MEIS2: variants seen among roughly 807,000 people sequenced by gnomAD.
MEIS2 encodes the protein Meis homeobox 2, also known as homeobox protein Meis2.
MEIS2 carries 9 observed loss-of-function variants against 58.6 expected under a neutral mutation model. The ratio of observed to expected loss-of-function variants is 0.15; its 90% CI spans 0.09 to 0.27. The LOEUF (loss-of-function observed/expected upper bound fraction) is 0.27. MEIS2 is among the 10% of genes least tolerant of loss of function. The pLI is 1.00. For synonymous variants in MEIS2, 221 were observed against 228.4 expected, an observed-to-expected ratio of 0.97 and a Z score of 0.29; for missense variants, 427 against 635.0, an observed-to-expected ratio of 0.67 and a Z score of 3.52.
At chr15:37,057,986 C>G (rs1888668985) in intron 7 of MEIS2, among the ~76,000 whole-genome samples, 1 of 152,114 alleles carries the variant, frequency 6.6e-6, no homozygotes, top group Non-Finnish European at 1.5e-5. Context: ...TGCTTCTTTT[C>G]AAAGGGTCAC....
rs2055805869 is a variant in MEIS2 at position 36,890,596 on chromosome 15, C to T, written c.*1577G>A. On this transcript the variant is annotated 3_prime_UTR_variant, in exon 12 of 12. Transcript: ENST00000561208. ...TGTAAATTTTCATTTACATATCCAA[C>T]AATATTGTAGTAAGACAGGCAGAGG... 1 of 152,180 alleles carries T rather than the reference C, an allele frequency of 6.6e-6. No homozygotes were observed. The highest frequency in any genetic ancestry group is 1.5e-5 in the Non-Finnish European group (1 of 67,990). The allele number at this position is 152,180 out of a possible 1,614,324, so 9.4% of individuals were successfully genotyped here. A position where few individuals can be genotyped will look rare whatever the true frequency, so the allele number is the denominator to read the frequency against.
intron 9 of MEIS2, among the ~76,000 whole-genome samples, chr15:36,932,228 T>C (rs994408659): frequency 6.6e-6 from 1 of 152,194 alleles, no homozygotes; most frequent in Non-Finnish European, 1.5e-5. Context: ...TCAATATCCA[T>C]GTGTTAAACA....
In MEIS2 at chr15:36,960,222, G is replaced by A. The variant is rs532023836; in HGVS notation, c.901-9822C>T. The stretch of plus-strand genomic sequence containing the variant: ...GCTAACATGGATTTAAAGAGGAAGA[G>A]GTTGTTTAAAGAAGCTGAGGGTTAT... On this transcript the variant is annotated intron_variant, in intron 8 of 11. Transcript: ENST00000561208. 5.3e-5 allele frequency among the ~76,000 whole-genome samples: 8 copies of A among 152,060 alleles called. No individual in the cohort carries two copies. In the South Asian group the frequency reaches 8.3e-4, roughly 16 times the overall value.
intron 9 of MEIS2, among the ~76,000 whole-genome samples, chr15:36,940,626 C>T (rs1314112114): frequency 6.6e-6 from 1 of 152,150 alleles, no homozygotes; most frequent in African/African-American, 2.4e-5. Context: ...ACTCGGTTGA[C>T]TAAATGTAAT....
intron 7 of MEIS2, among the ~76,000 whole-genome samples, chr15:37,082,944 A>T (rs1368905763): frequency 6.6e-6 from 1 of 152,184 alleles, no homozygotes; most frequent in Non-Finnish European, 1.5e-5. Flanking sequence ...GTCATAATAG[A>T]GATGAAATAG....
chr15:37,096,501 A>G, intron 2 of MEIS2, 71 bp from the exon 3 acceptor site: 3 of 1,558,196 alleles, frequency 1.9e-6, no homozygotes, highest in Non-Finnish European at 2.6e-6. Context: ...AAGAACTGTA[A>G]TCAACAAGTT....
rs1297597443 is a variant in MEIS2, at chr15:36,890,475, A to G, written c.*1698T>C. ...GATGTGTCTGAAATAAAAATATACCACAATATAATTTATAAAATATTAATG... is the reference window on the plus strand; with the variant it reads ...GATGTGTCTGAAATAAAAATATACCGCAATATAATTTATAAAATATTAATG... On this transcript the variant is annotated 3_prime_UTR_variant, in exon 12 of 12. Transcript: ENST00000561208. The G allele has an allele frequency of 6.6e-6, 1 of 152,198 alleles. No individual in the cohort carries two copies. Among genetic ancestry groups the G allele is most frequent in the Non-Finnish European group, 1.5e-5 (1 of 68,020 alleles). The allele number at this position is 152,198 out of a possible 1,614,324, so 9.4% of individuals were successfully genotyped here.
At chr15:36,978,703 C>CA (rs910590561) in intron 8 of MEIS2, among the ~76,000 whole-genome samples, 21 of 152,062 alleles carry the variant, frequency 1.4e-4, no homozygotes, top group Non-Finnish European at 2.5e-4. Flanking sequence ...GTATCTTTTA[C>CA]AAAAAAATCG....
chr15:36,957,667 G>T (rs2059030133), intron 8 of MEIS2, among the ~76,000 whole-genome samples: 1 of 152,104 alleles, frequency 6.6e-6, no homozygotes, highest in South Asian at 2.1e-4. Flanking sequence ...TCCCTCACTG[G>T]ACTGCAAATC....
At chr15:36,952,617 G>C (rs755886539) in intron 8 of MEIS2, among the ~76,000 whole-genome samples, 28,678 of 148,796 alleles carry the variant, frequency 0.19, 3,227 homozygotes, top group Non-Finnish European at 0.26. Context: ...CTGTGTGTGT[G>C]TGTGTGTGTG....
intron 9 of MEIS2, among the ~76,000 whole-genome samples, chr15:36,947,275 C>T (rs2058601520): frequency 6.6e-6 from 1 of 151,986 alleles, no homozygotes; most frequent in South Asian, 2.1e-4. Context: ...TCTGCATACT[C>T]CCTACTGTAA....
At chr15:36,931,394 C>T (rs9989331) in intron 9 of MEIS2, among the ~76,000 whole-genome samples, 2,410 of 152,270 alleles carry the variant, frequency 0.016, 66 homozygotes, top group African/African-American at 0.055. Flanking sequence ...GCGTTTCTTT[C>T]ACTTAAAATT....
At chr15:36,994,565 T>TA (rs2060409783) in intron 8 of MEIS2, among the ~76,000 whole-genome samples, 1 of 152,178 alleles carries the variant, frequency 6.6e-6, no homozygotes, top group Non-Finnish European at 1.5e-5. Context: ...TAAACACAGA[T>TA]ATGTCAGTTT....
At position 37,098,385 on chromosome 15, in the gene MEIS2, A is replaced by AGGGG. The variant is rs1278124644; in HGVS notation, c.13-187_13-186insCCCC. The AGGGG allele has an allele frequency of 1.9e-4, 133 of 717,794 alleles. No individual in the cohort carries two copies. In the African/African-American group the frequency reaches 4.1e-3, roughly 22 times the overall value. The allele number at this position is 717,794 out of a possible 1,614,324, so 44.5% of individuals were successfully genotyped here. ...GAGGAAAAGGAGGAGAGGGGGAGAGAGAGAGAGAGAGAGAGAGAGAGAGAG... is the reference window on the plus strand; with the variant it reads ...GAGGAAAAGGAGGAGAGGGGGAGAGAGGGGGAGAGAGAGAGAGAGAGAGAGAGAG... On this transcript the variant is annotated intron_variant, in intron 1 of 11. Transcript: ENST00000561208.
chr15:37,090,824 C>T (rs1297001203), intron 6 of MEIS2, among the ~76,000 whole-genome samples: 1 of 152,132 alleles, frequency 6.6e-6, no homozygotes, highest in Non-Finnish European at 1.5e-5. Flanking sequence ...TCTTTTTTAG[C>T]TGTCATTATT....
intron 8 of MEIS2, among the ~76,000 whole-genome samples, chr15:36,970,212 G>C (rs973118443): frequency 1.3e-5 from 2 of 152,086 alleles, no homozygotes; most frequent in Non-Finnish European, 2.9e-5. Context: ...GACCATCCTG[G>C]CTAACATGGT....
At chr15:37,053,373 G>A (rs961897330) in intron 7 of MEIS2, among the ~76,000 whole-genome samples, 7 of 152,134 alleles carry the variant, frequency 4.6e-5, no homozygotes, top group Non-Finnish European at 1.0e-4. Context: ...GGAATTCACC[G>A]CTGACCCAGT....
At chr15:37,037,393 G>A (rs571357347) in intron 7 of MEIS2, among the ~76,000 whole-genome samples, 12 of 152,188 alleles carry the variant, frequency 7.9e-5, no homozygotes, top group East Asian at 5.8e-4. Context: ...GTCACTGTTC[G>A]TTGCACATAA....
Position 36,891,959 on chromosome 15 carries a change from G to T in MEIS2, c.*214C>A. 1 of 594,714 alleles carries T rather than the reference G, an allele frequency of 1.7e-6. No individual in the cohort carries two copies. Among genetic ancestry groups the T allele is most frequent in the Non-Finnish European group, 3.0e-6 (1 of 338,334 alleles). The allele number at this position is 594,714 out of a possible 1,614,324, so 36.8% of individuals were successfully genotyped here. On this transcript the variant is annotated 3_prime_UTR_variant, in exon 12 of 12. Transcript: ENST00000561208. ...TAACTCTCGGAGTCTTTTTCCAGAG[G>T]ATCTTTACATGGACAGAATTGTCTC... is the stretch of plus-strand genomic sequence containing the variant.
Sources: gnomAD v4.1 joint callset for allele counts (sites outside exome capture counted in the v4.1 genomes callset) on GRCh38, gnomAD v4.1.1 for gene constraint, MANE v1.5 for transcripts, NCBI Gene and HGNC (gene_info 2026-07-23, HGNC 2026-07-21) for gene names.